Variants in ME3 observed in about 807,000 individuals in gnomAD.
ME3 encodes the protein NADP-dependent malic enzyme, mitochondrial.
A neutral mutation model predicts 68.9 loss-of-function variants in ME3; 48 were observed. The ratio of observed to expected loss-of-function variants is 0.70; its 90% CI spans 0.55 to 0.89. The LOEUF is 0.89. Ranked by LOEUF, ME3 falls within the 40% of genes least tolerant of loss-of-function variation. The probability of loss-of-function intolerance (pLI) is 0.00; values close to 1 mark genes in which losing one functional copy is unlikely to be tolerated. For synonymous variants in ME3, 320 were observed against 318.8 expected, an observed-to-expected ratio of 1.00 and a Z score of -0.04; for missense variants, 675 against 797.4, an observed-to-expected ratio of 0.85 and a Z score of 1.85.
chr11:86,522,491 G>A (rs1231674939), intron 4 of ME3, among the ~76,000 whole-genome samples: 2 of 151,780 alleles, frequency 1.3e-5, no homozygotes, highest in African/African-American at 4.8e-5. Flanking sequence ...ACATGCATTA[G>A]GTATTTGTCC....
chr11:86,618,299 CAA>C (rs55824426), intron 2 of ME3, among the ~76,000 whole-genome samples: 3 of 55,934 alleles, frequency 5.4e-5, no homozygotes, highest in Admixed American at 2.7e-4. Flanking sequence ...GGCTCTGTCT[CAA>C]AAAAAAAAAA....
rs1288789898 is a variant in ME3, at chr11:86,599,938, C to T, written c.184-40115G>A. ...CCACCAAGCCTGCCCTAAAAGAGCTCCTGAAGGAAGCACTAAACATGGAAA... is the reference window on the plus strand; with the variant it reads ...CCACCAAGCCTGCCCTAAAAGAGCTTCTGAAGGAAGCACTAAACATGGAAA... On this transcript the variant is annotated intron_variant, in intron 2 of 14. Coordinates refer to ENST00000543262, the Ensembl canonical transcript of ME3. Among the ~76,000 whole-genome samples the T allele has an allele frequency of 3.9e-5, 6 of 152,206 alleles. No individual in the cohort carries two copies. The East Asian group carries it at 1.2e-3, about 29-fold the overall frequency.
At chr11:86,578,396 G>T (rs1018079970) in intron 2 of ME3, among the ~76,000 whole-genome samples, 2 of 152,110 alleles carry the variant, frequency 1.3e-5, no homozygotes, top group Non-Finnish European at 2.9e-5. Context: ...AAGATGAACT[G>T]TGACCAGAAG....
intron 13 of ME3, among the ~76,000 whole-genome samples, chr11:86,445,367 G>A (rs751501269): frequency 6.6e-6 from 1 of 152,224 alleles, no homozygotes; most frequent in Non-Finnish European, 1.5e-5. Context: ...GGTGCATGAG[G>A]TAGCTCCCTG....
At chr11:86,665,944 T>C (rs1946563204) in intron 2 of ME3, among the ~76,000 whole-genome samples, 1 of 152,144 alleles carries the variant, frequency 6.6e-6, no homozygotes. Context: ...TTGCATAATC[T>C]AGATATGAGA....
At chr11:86,508,152 C>G (rs1953223152) in intron 5 of ME3, among the ~76,000 whole-genome samples, 3 of 152,070 alleles carry the variant, frequency 2.0e-5, no homozygotes, top group Admixed American at 2.0e-4. Flanking sequence ...GCTGTGTACT[C>G]CCAGGGTACA....
intron 8 of ME3, among the ~76,000 whole-genome samples, chr11:86,460,681 C>T (rs1950185679): frequency 6.6e-6 from 1 of 152,216 alleles, no homozygotes; most frequent in Non-Finnish European, 1.5e-5. Flanking sequence ...TGCATCGCTT[C>T]CTCCTCCTTC....
intron 2 of ME3, among the ~76,000 whole-genome samples, chr11:86,657,363 C>A (rs929733127): frequency 6.6e-6 from 1 of 150,628 alleles, no homozygotes; most frequent in Non-Finnish European, 1.5e-5. Context: ...CAGACTAACA[C>A]AGGAACAGCA....
chr11:86,564,516 GGAATA>G (rs1359503589), intron 2 of ME3, among the ~76,000 whole-genome samples: 1 of 148,034 alleles, frequency 6.8e-6, no homozygotes, highest in Non-Finnish European at 1.5e-5. Context: ...ATAGGTAAAT[GGAATA>G]GAATAAAGAG....
chr11:86,570,766 A>G (rs1245684450), intron 2 of ME3, among the ~76,000 whole-genome samples: 2 of 152,158 alleles, frequency 1.3e-5, no homozygotes, highest in African/African-American at 2.4e-5. Context: ...CCTTCCATGT[A>G]TGACGTACAC....
chr11:86,556,953 GCTTGTGAAGTAGGGATTATAATT>G (rs1956962811), intron 3 of ME3, among the ~76,000 whole-genome samples: 1 of 152,118 alleles, frequency 6.6e-6, no homozygotes, highest in Non-Finnish European at 1.5e-5. Flanking sequence ...ACTTCCAATG[GCTTGTGAAGTAGGGATTATAATT>G]CTTGCTATTT....
At chr11:86,599,506 A>C (rs1245484829) in intron 2 of ME3, among the ~76,000 whole-genome samples, 1 of 152,264 alleles carries the variant, frequency 6.6e-6, no homozygotes, top group Non-Finnish European at 1.5e-5. Flanking sequence ...GGGAGAATGG[A>C]AACAAGTTGG....
chr11:86,537,462 T>C (rs1955755481), intron 4 of ME3, among the ~76,000 whole-genome samples: 1 of 152,278 alleles, frequency 6.6e-6, no homozygotes, highest in South Asian at 2.1e-4. Flanking sequence ...GCCTGAGTTC[T>C]AGTCCTGTCA....
At chr11:86,549,152 T>C (rs1956534627) in intron 4 of ME3, among the ~76,000 whole-genome samples, 1 of 152,240 alleles carries the variant, frequency 6.6e-6, no homozygotes, top group Non-Finnish European at 1.5e-5. Flanking sequence ...ATCCACCTGA[T>C]TTCATAGCTC....
chr11:86,498,037 G>A (rs1164066068), exon 6 of ME3: 2 of 1,613,662 alleles, frequency 1.2e-6, no homozygotes, highest in African/African-American at 2.7e-5. Flanking sequence ...GCCGTGTACA[G>A]GGCCAGCTTG....
chr11:86,631,984 C>T (rs1290656212), intron 2 of ME3, among the ~76,000 whole-genome samples: 5 of 152,170 alleles, frequency 3.3e-5, no homozygotes, highest in Non-Finnish European at 7.3e-5. Context: ...CCTCCTGCCT[C>T]AGCCTCCCAA....
intron 2 of ME3, among the ~76,000 whole-genome samples, chr11:86,640,887 G>A (rs893938227): frequency 2.0e-5 from 3 of 152,056 alleles, no homozygotes; most frequent in Non-Finnish European, 4.4e-5. Flanking sequence ...CAGCTCCCAG[G>A]ATCTCATCTC....
rs73524080 is a variant in ME3, at chr11:86,620,129, C to T, written c.183+51633G>A. Reference sequence around the variant, plus strand: ...TTTTCCCTTAAATCTCTACACTTAGCACAGTGCCTGGCACGTACTAGATGT... The same window carrying T: ...TTTTCCCTTAAATCTCTACACTTAGTACAGTGCCTGGCACGTACTAGATGT... On this transcript the variant is annotated intron_variant, in intron 2 of 14. Coordinates refer to ENST00000543262, the Ensembl canonical transcript of ME3. Among the ~76,000 whole-genome samples the T allele has an allele frequency of 5.3e-3, 808 of 152,304 alleles. 5 individuals carry two copies. Among genetic ancestry groups the T allele is most frequent in the African/African-American group, 0.018 (762 of 41,556 alleles).
intron 4 of ME3, among the ~76,000 whole-genome samples, chr11:86,523,555 C>T (rs544230022): frequency 6.6e-6 from 1 of 152,140 alleles, no homozygotes; most frequent in African/African-American, 2.4e-5. Context: ...ATTGCTCTAT[C>T]CTCTTTTTTG....
Sources: allele counts gnomAD v4.1 joint callset (sites outside exome capture counted in the v4.1 genomes callset), GRCh38; gene constraint gnomAD v4.1.1; transcripts MANE v1.5; gene names NCBI Gene and HGNC (gene_info 2026-07-23, HGNC 2026-07-21).